Variants in RGS22 observed in about 807,000 individuals in gnomAD.
RGS22 encodes regulator of G-protein signaling 22.
A neutral mutation model predicts 172.9 loss-of-function variants in RGS22; 148 were observed. That is an observed-to-expected ratio of 0.86 (90% CI 0.75 to 0.98). The LOEUF (loss-of-function observed/expected upper bound fraction) is 0.98. Among genes scored for constraint, RGS22 ranks in the 50% least tolerant of loss-of-function variants. The pLI, the probability that RGS22 is intolerant of heterozygous loss-of-function variation, is 0.00. For synonymous variants in RGS22, 458 were observed against 480.2 expected, an observed-to-expected ratio of 0.95 and a Z score of 0.60; for missense variants, 1,347 against 1,440.8, an observed-to-expected ratio of 0.93 and a Z score of 1.05.
In RGS22 at chr8:99,982,046, A is replaced by G; in HGVS notation, c.3251T>C (p.Ile1084Thr). The G allele has an allele frequency of 1.9e-6, 3 of 1,613,950 alleles. No homozygotes were observed. Among genetic ancestry groups the G allele is most frequent in the Non-Finnish European group, 2.5e-6 (3 of 1,179,838 alleles). ...TAAAGCTGGTGGAATACTGGAATTA[A>G]TAAAGCAGTTGATAATAGTTGTAAT... ...KKITTIINCFINSSIPPALQI... is the reference protein window; with the variant it reads ...KKITTIINCFTNSSIPPALQI... The change falls in exon 22 of 28, where the codon ATT becomes ACT. Residue 1084 changes from isoleucine to threonine, a missense_variant. By Grantham distance (89) the Ile-to-Thr change is moderately conservative. Transcript: ENST00000360863.
Position 100,080,362 on chromosome 8 carries a change from T to C in RGS22, c.118-7A>G, listed in dbSNP as rs1811664747. 2 of 1,585,632 alleles carry C rather than the reference T, an allele frequency of 1.3e-6. No individual in the cohort carries two copies. Among genetic ancestry groups the C allele is most frequent in the Non-Finnish European group, 1.7e-6 (2 of 1,164,590 alleles). On this transcript the variant is annotated splice_polypyrimidine_tract_variant and splice_region_variant and intron_variant, in intron 3 of 27. Coordinates refer to ENST00000360863, the MANE Select transcript of RGS22 (RefSeq NM_015668.5). ...TAATTGCCTCTGAAAAGGTCTGCAA[T>C]ATAAATTTGTGGAAATTAAAACATT...
intron 15 of RGS22, among the ~76,000 whole-genome samples, chr8:100,007,139 G>C (rs1429787066): frequency 1.3e-5 from 2 of 152,064 alleles, no homozygotes; most frequent in African/African-American, 4.8e-5. Flanking sequence ...CATAATAGTT[G>C]TTTCAGTCAC....
intron 14 of RGS22, among the ~76,000 whole-genome samples, chr8:100,029,194 C>T (rs1214923366): frequency 6.6e-6 from 1 of 152,118 alleles, no homozygotes; most frequent in African/African-American, 2.4e-5. Flanking sequence ...CTGATCCTTC[C>T]CCAGTCGAGC....
intron 2 of RGS22, among the ~76,000 whole-genome samples, chr8:100,098,762 TCTCTC>T (rs1813182753): frequency 6.6e-6 from 1 of 151,938 alleles, no homozygotes; most frequent in Non-Finnish European, 1.5e-5. Context: ...TGTCTCTCTC[TCTCTC>T]AACAAGTACC....
intron 14 of RGS22, among the ~76,000 whole-genome samples, chr8:100,014,813 T>G (rs141355364): frequency 8.9e-4 from 135 of 152,274 alleles, no homozygotes; most frequent in African/African-American, 2.8e-3. Flanking sequence ...CCTTCTATGC[T>G]CTCTACCCTC....
chr8:100,064,885 T>A (rs111591939), intron 7 of RGS22, among the ~76,000 whole-genome samples: 99 of 152,318 alleles, frequency 6.5e-4, no homozygotes, highest in African/African-American at 2.2e-3. Flanking sequence ...TCAATTACTA[T>A]CAAACTTACA....
intron 7 of RGS22, among the ~76,000 whole-genome samples, 172 bp from the exon 8 acceptor site, chr8:100,064,215 C>A (rs1296099943): frequency 6.6e-6 from 1 of 152,130 alleles, no homozygotes; most frequent in Non-Finnish European, 1.5e-5. Flanking sequence ...CGCCTGTCAT[C>A]CCAGCACTTT....
At chr8:100,063,138 A>G (rs922038724) in intron 8 of RGS22, among the ~76,000 whole-genome samples, 1 of 152,186 alleles carries the variant, frequency 6.6e-6, no homozygotes, top group African/African-American at 2.4e-5. Context: ...AAAAATGAAA[A>G]TAGAATAATT....
chr8:100,005,925 C>T (rs983039964), intron 16 of RGS22, 92 bp downstream of exon 16: 17 of 820,158 alleles, frequency 2.1e-5, no homozygotes, highest in Middle Eastern at 2.3e-4. Context: ...TATATGATCT[C>T]GTCACTCTAC....
rs762691057 is a variant in RGS22, at chr8:100,062,778, TACACACAC to T, written c.1353-34_1353-27del. On this transcript the variant is annotated intron_variant, in intron 8 of 27. Transcript: ENST00000360863. The stretch of plus-strand genomic sequence containing the variant: ...CTGAAATAAAACACATTTCCATATA[TACACACAC>T]ACATTGGTAGAATATTCAACTACCA... 1.7e-5 allele frequency: 26 copies of T among 1,552,052 alleles called. No individual in the cohort carries two copies. The East Asian group carries it at 5.2e-4, about 31-fold the overall frequency.
intron 24 of RGS22, among the ~76,000 whole-genome samples, chr8:99,964,949 TC>T (rs979720897): frequency 2.6e-5 from 4 of 152,200 alleles, no homozygotes; most frequent in Admixed American, 2.0e-4. Context: ...TATGACTACT[TC>T]AAAAAACTAA....
At chr8:100,076,736 T>C (rs1053451198) in intron 4 of RGS22, among the ~76,000 whole-genome samples, 3 of 152,216 alleles carry the variant, frequency 2.0e-5, no homozygotes, top group Non-Finnish European at 4.4e-5. Flanking sequence ...TTCATCCCTG[T>C]AATCCCAGCA....
rs200458744 is a variant in RGS22, at chr8:100,029,667, G to A, written c.2166+9264C>T. On this transcript the variant is annotated intron_variant, in intron 14 of 27. Transcript: ENST00000360863. ...GCAGTGAGCCAAGATCATGCCATTG[G>A]ACTCCAGCCTGGGCAACAAGGCGAA... 2.3e-5 allele frequency among the ~76,000 whole-genome samples: 3 copies of A among 130,224 alleles called. No individual in the cohort carries two copies. The East Asian group carries it at 6.6e-4, about 28-fold the overall frequency. 85.4% of individuals were successfully genotyped at this position (130,224 alleles called of 152,430 possible).
chr8:100,036,287 C>G (rs187420153), intron 14 of RGS22, among the ~76,000 whole-genome samples: 2 of 152,238 alleles, frequency 1.3e-5, no homozygotes, highest in African/African-American at 4.8e-5. Flanking sequence ...AATTCCCTTT[C>G]TCCTTGCCAA....
chr8:100,066,397 C>A, intron 6 of RGS22, 101 bp from the exon 7 acceptor site: 10 of 859,448 alleles, frequency 1.2e-5, no homozygotes, highest in South Asian at 2.7e-5. Context: ...TTGCACAGTA[C>A]AATATGTAAA....
At chr8:100,037,621 G>A (rs2131583614) in intron 14 of RGS22, among the ~76,000 whole-genome samples, 1 of 152,172 alleles carries the variant, frequency 6.6e-6, no homozygotes, top group South Asian at 2.1e-4. Context: ...CTTTTACAAG[G>A]TCATGGAAAT....
chr8:100,051,693 T>G (rs111215989), intron 10 of RGS22, among the ~76,000 whole-genome samples: 205 of 12,538 alleles, frequency 0.016, 49 homozygotes, highest in African/African-American at 0.097. Context: ...ATATATATAT[T>G]TATATATACG....
intron 4 of RGS22, among the ~76,000 whole-genome samples, chr8:100,076,708 G>A (rs1464157103): frequency 1.3e-5 from 2 of 152,048 alleles, no homozygotes; most frequent in Non-Finnish European, 2.9e-5. Flanking sequence ...TAAGAAATAT[G>A]TGGGCCGGGC....
chr8:100,015,317 G>T (rs1476594920), intron 14 of RGS22, among the ~76,000 whole-genome samples: 3 of 151,882 alleles, frequency 2.0e-5, no homozygotes, highest in Non-Finnish European at 2.9e-5. Flanking sequence ...TCTTGAGATG[G>T]AGTCTTGCTT....
Sources: gnomAD v4.1 joint callset for allele counts (sites outside exome capture counted in the v4.1 genomes callset) on GRCh38, gnomAD v4.1.1 for gene constraint, MANE v1.5 for transcripts, NCBI Gene and HGNC (gene_info 2026-07-23, HGNC 2026-07-21) for gene names.